The following RBFOX1 variants were observed in gnomAD, a reference collection of about 807,000 sequenced individuals.
The protein encoded by RBFOX1 is RNA binding fox-1 homolog 1, also known as RNA binding protein fox-1 homolog 1.
Under a neutral mutation model 57.7 loss-of-function variants are expected in RBFOX1, and 8 were observed. The observed-to-expected ratio is 0.14, with a 90% CI of 0.08 to 0.25. RBFOX1 has a LOEUF of 0.25. Among genes scored for constraint, RBFOX1 ranks in the 10% least tolerant of loss-of-function variants. The pLI is 1.00. For synonymous variants in RBFOX1, 326 were observed against 222.4 expected, an observed-to-expected ratio of 1.47 and a Z score of -4.15; for missense variants, 611 against 548.5, an observed-to-expected ratio of 1.11 and a Z score of -1.14.
At chr16:5,685,730 T>C (rs994642969) in intron 3 of RBFOX1, among the ~76,000 whole-genome samples, 3 of 152,212 alleles carry the variant, frequency 2.0e-5, no homozygotes, top group East Asian at 1.9e-4. Flanking sequence ...GGGTGGTGCC[T>C]CCTTCATGGG....
At chr16:7,408,739 C>CTGTTCAAT (rs2098387773) in intron 4 of RBFOX1, among the ~76,000 whole-genome samples, 1 of 152,204 alleles carries the variant, frequency 6.6e-6, no homozygotes, top group Non-Finnish European at 1.5e-5. Flanking sequence ...TATTGAACAG[C>CTGTTCAAT]ATCCCTGGCC....
At chr16:6,478,102 G>A (rs77882386) in intron 2 of RBFOX1, among the ~76,000 whole-genome samples, 1 of 151,940 alleles carries the variant, frequency 6.6e-6, no homozygotes, top group East Asian at 1.9e-4. Flanking sequence ...CAGCAACAAG[G>A]CTCTTTTACT....
chr16:6,872,831 C>G (rs1248976955), intron 3 of RBFOX1, among the ~76,000 whole-genome samples: 2 of 152,038 alleles, frequency 1.3e-5, no homozygotes, highest in Non-Finnish European at 2.9e-5. Context: ...CTGTTTGGGT[C>G]TTTAAAAGAG....
intron 3 of RBFOX1, among the ~76,000 whole-genome samples, chr16:6,926,689 G>A (rs887991901): frequency 6.6e-6 from 1 of 152,154 alleles, no homozygotes; most frequent in Non-Finnish European, 1.5e-5. Flanking sequence ...AGGTAAAAAT[G>A]CTACTTAGCT....
In RBFOX1 at chr16:6,196,507, C is replaced by G. The variant is rs985753196; in HGVS notation, c.-126-120488C>G. On this transcript the variant is annotated intron_variant, in intron 1 of 15. Transcript: ENST00000550418. ...TTATTAACGATAAATAATTAGCTTC[C>G]CATTCTGAAATATTTCAATATGGAT... Among the ~76,000 whole-genome samples the G allele has an allele frequency of 7.2e-5, 11 of 152,174 alleles. No individual in the cohort carries two copies. The East Asian group carries it at 1.9e-3, about 27-fold the overall frequency.
chr16:5,711,796 A>G (rs1404491610), intron 3 of RBFOX1, among the ~76,000 whole-genome samples: 2 of 152,228 alleles, frequency 1.3e-5, no homozygotes, highest in African/African-American at 4.8e-5. Flanking sequence ...ATGTGAATCT[A>G]AAGGACCCAG....
At chr16:7,680,027 G>A (rs1055956082) in intron 14 of RBFOX1, among the ~76,000 whole-genome samples, 5 of 152,180 alleles carry the variant, frequency 3.3e-5, no homozygotes, top group Admixed American at 2.6e-4. Flanking sequence ...TCAAAGGAGA[G>A]CGTTTCCTGA....
intron 3 of RBFOX1, among the ~76,000 whole-genome samples, chr16:5,688,510 G>T (rs1166544127): frequency 6.6e-6 from 1 of 152,150 alleles, no homozygotes; most frequent in Non-Finnish European, 1.5e-5. Context: ...CAGAGAGGTG[G>T]TTCTTGTACC....
intron 5 of RBFOX1, among the ~76,000 whole-genome samples, chr16:7,563,046 G>A (rs560807330): frequency 6.6e-6 from 1 of 152,114 alleles, no homozygotes; most frequent in Non-Finnish European, 1.5e-5. Context: ...CCCATGTAGG[G>A]ACTAAACATC....
intron 3 of RBFOX1, among the ~76,000 whole-genome samples, chr16:5,864,546 A>AG: frequency 4.8e-5 from 1 of 20,784 alleles, no homozygotes; most frequent in Non-Finnish European, 8.0e-5. Flanking sequence ...TACATACTTG[A>AG]GTTTTTTTTT....
chr16:5,805,203 C>T (rs1034594223), intron 3 of RBFOX1, among the ~76,000 whole-genome samples: 13 of 152,048 alleles, frequency 8.5e-5, no homozygotes, highest in Admixed American at 6.6e-4. Flanking sequence ...AAATGAAACA[C>T]TGTGTTCAGC....
intron 4 of RBFOX1, among the ~76,000 whole-genome samples, chr16:7,208,258 G>T (rs1343922684): frequency 6.6e-6 from 1 of 152,174 alleles, no homozygotes; most frequent in African/African-American, 2.4e-5. Flanking sequence ...TGAAATCCTG[G>T]CTCCCTTTGC....
At chr16:6,516,026 CAG>C (rs1335313365) in intron 2 of RBFOX1, among the ~76,000 whole-genome samples, 4 of 151,902 alleles carry the variant, frequency 2.6e-5, no homozygotes, top group African/African-American at 4.8e-5. Flanking sequence ...TTTTTTGAGA[CAG>C]AGTCTTGCTC....
intron 3 of RBFOX1, among the ~76,000 whole-genome samples, chr16:5,817,854 C>T (rs1218421354): frequency 6.6e-6 from 1 of 152,026 alleles, no homozygotes; most frequent in Non-Finnish European, 1.5e-5. Flanking sequence ...CCATGCCCGG[C>T]TAATTTTTTG....
At chr16:6,196,429 C>T (rs1262729656) in intron 1 of RBFOX1, among the ~76,000 whole-genome samples, 1 of 152,122 alleles carries the variant, frequency 6.6e-6, no homozygotes, top group East Asian at 1.9e-4. Flanking sequence ...AAATAATTTG[C>T]AGAAAACGTT....
At chr16:6,873,843 A>C (rs2061367122) in intron 3 of RBFOX1, 1 of 152,184 alleles carries the variant, frequency 6.6e-6, no homozygotes, top group Admixed American at 6.5e-5. Context: ...TGAAACATTA[A>C]GTAACTTGCA....
At chr16:7,309,166 C>A (rs76587391) in intron 4 of RBFOX1, among the ~76,000 whole-genome samples, 3 of 152,128 alleles carry the variant, frequency 2.0e-5, no homozygotes, top group Non-Finnish European at 4.4e-5. Context: ...GGATGTCTTA[C>A]GTCGTAAATT....
chr16:7,350,303 A>C (rs1013568369), intron 4 of RBFOX1, among the ~76,000 whole-genome samples: 1 of 152,116 alleles, frequency 6.6e-6, no homozygotes, highest in African/African-American at 2.4e-5. Context: ...GAAAAAAGCA[A>C]AAGTCCTGAG....
At chr16:7,487,637 A>C (rs547588966) in intron 4 of RBFOX1, among the ~76,000 whole-genome samples, 2 of 152,132 alleles carry the variant, frequency 1.3e-5, no homozygotes, top group East Asian at 3.9e-4. Flanking sequence ...GTTCATATAC[A>C]TATAGAAACA....
Sources: gnomAD v4.1 joint callset for allele counts (sites outside exome capture counted in the v4.1 genomes callset) on GRCh38, gnomAD v4.1.1 for gene constraint, MANE v1.5 for transcripts, NCBI Gene and HGNC (gene_info 2026-07-23, HGNC 2026-07-21) for gene names.